Variants in CACNA1A observed in about 807,000 individuals in gnomAD.
The protein encoded by CACNA1A is calcium voltage-gated channel subunit alpha1 A.
A neutral mutation model predicts 262.4 loss-of-function variants in CACNA1A; 57 were observed. The ratio of observed to expected loss-of-function variants is 0.22; its 90% CI spans 0.18 to 0.27. The LOEUF is 0.27. Ranked by LOEUF, CACNA1A falls within the 10% of genes least tolerant of loss-of-function variation. CACNA1A has a pLI of 1.00. For synonymous variants in CACNA1A, 1,431 were observed against 1,419.3 expected, an observed-to-expected ratio of 1.01 and a Z score of -0.18; for missense variants, 2,526 against 3,562.8, an observed-to-expected ratio of 0.71 and a Z score of 7.41.
intron 6 of CACNA1A, among the ~76,000 whole-genome samples, chr19:13,350,140 T>A (rs2058880110): frequency 6.6e-6 from 1 of 152,110 alleles, no homozygotes. Context: ...CCAAAGCTCT[T>A]AGGGGGTAGG....
At chr19:13,397,197 C>G (rs558757934) in intron 3 of CACNA1A, among the ~76,000 whole-genome samples, 2 of 152,214 alleles carry the variant, frequency 1.3e-5, no homozygotes, top group East Asian at 3.9e-4. Context: ...TTTCTGAGGT[C>G]AAAGTCTGGA....
rs570225171 is a variant in CACNA1A at position 13,303,174 on chromosome 19, C to T, written c.2172+372G>A. ...TGGTGGCAGCCCTTTTTCCTTGGCC[C>T]CAGCTCTGACTGGGTCCCCATAACA... is the stretch of plus-strand genomic sequence containing the variant. On this transcript the variant is annotated intron_variant, in intron 17 of 46. Transcript: ENST00000360228. 8.5e-5 allele frequency among the ~76,000 whole-genome samples: 13 copies of T among 152,212 alleles called. No individual in the cohort carries two copies. In the South Asian group the frequency reaches 2.5e-3, roughly 29 times the overall value.
chr19:13,259,398 C>G (rs952190398), intron 27 of CACNA1A, 166 bp downstream of exon 27: 4 of 235,268 alleles, frequency 1.7e-5, no homozygotes, highest in Admixed American at 1.3e-4. Flanking sequence ...TCTCAAACTC[C>G]TGGCCTCAAG....
chr19:13,255,703 C>T (rs1399322559), intron 28 of CACNA1A, among the ~76,000 whole-genome samples: 9 of 119,286 alleles, frequency 7.5e-5, no homozygotes, highest in African/African-American at 2.9e-4. Flanking sequence ...CTCCCTCCTT[C>T]CTTCCCTCCC....
chr19:13,228,339 T>G (rs1600123158), intron 36 of CACNA1A, among the ~76,000 whole-genome samples: 20 of 136,052 alleles, frequency 1.5e-4, no homozygotes, highest in Admixed American at 3.0e-4. Context: ...AGGTGAGGGG[T>G]GGAGGGGGAG....
chr19:13,382,794 T>A (rs942117716), intron 3 of CACNA1A, among the ~76,000 whole-genome samples: 1 of 152,138 alleles, frequency 6.6e-6, no homozygotes, highest in South Asian at 2.1e-4. Context: ...CCGGTTTATA[T>A]ATAGCTGCCA....
chr19:13,206,818 T>TCCTTCTGG lies in CACNA1A; in HGVS notation c.*487_*494dup, dbSNP rs1434546194. The TCCTTCTGG allele has an allele frequency of 6.4e-6, 1 of 155,150 alleles. No individual in the cohort carries two copies. Among genetic ancestry groups the TCCTTCTGG allele is most frequent in the East Asian group, 1.9e-4 (1 of 5,206 alleles). The allele number at this position is 155,150 out of a possible 1,614,324, so 9.6% of individuals were successfully genotyped here. A position where few individuals can be genotyped will look rare whatever the true frequency, so the allele number is the denominator to read the frequency against. On this transcript the variant is annotated 3_prime_UTR_variant, in exon 47 of 47. Transcript: ENST00000360228. The stretch of plus-strand genomic sequence containing the variant: ...GGGTGTAGGGCACTGGGATTCTGGT[T>TCCTTCTGG]CCTTCTGGCTTCTTTGCCGCACTCG...
rs1379375107 is a variant in CACNA1A at position 13,207,675 on chromosome 19, C to G, written c.7159G>C (p.Gly2387Arg). 12 of 1,429,934 alleles carry G rather than the reference C, an allele frequency of 8.4e-6. No homozygotes were observed. The highest frequency in any genetic ancestry group is 1.5e-5 in the African/African-American group (1 of 66,912). 88.6% of individuals were successfully genotyped at this position (1,429,934 alleles called of 1,614,324 possible). A position where few individuals can be genotyped will look rare whatever the true frequency, so the allele number is the denominator to read the frequency against. ...SESPRACRHGGARWPASGPHV... is the reference protein window; with the variant it reads ...SESPRACRHGRARWPASGPHV... ...GGGCCAGATGCCGGCCACCGGGCCC[C>G]GCCGTGTCGACAGGCCCTGGGGGAC... The change falls in exon 47 of 47, where the codon GGG (glycine) becomes CGG (arginine). Residue 2387 changes from glycine to arginine, a missense_variant. Physicochemically the swap from Gly to Arg is moderately radical, Grantham distance 125 (BLOSUM62 -2). Coordinates refer to ENST00000360228, the MANE Select transcript of CACNA1A (RefSeq NM_001127222.2). This position sits in a 1 kb window ranked among gnomAD's most constrained non-coding sequence, Gnocchi z 5.7.
intron 3 of CACNA1A, among the ~76,000 whole-genome samples, chr19:13,413,927 G>GAAAGAAAGAAAGAAAGAAAGAAAGAAAGA (rs1568621998): frequency 1.4e-4 from 17 of 118,846 alleles, no homozygotes; most frequent in African/African-American, 4.4e-4. Context: ...AAGAAAGAAA[G>GAAAGAAAGAAAGAAAGAAAGAAAGAAAGA]AAAGAAAGAA....
chr19:13,489,243 C>T (rs901278724), intron 1 of CACNA1A, among the ~76,000 whole-genome samples: 16 of 151,500 alleles, frequency 1.1e-4, no homozygotes, highest in African/African-American at 3.6e-4. Flanking sequence ...ATCTCCTGAC[C>T]TCATGATCTG....
chr19:13,318,084 A>G (rs2058163292), intron 10 of CACNA1A, among the ~76,000 whole-genome samples: 1 of 152,214 alleles, frequency 6.6e-6, no homozygotes, highest in Non-Finnish European at 1.5e-5. Context: ...GGAGTTTGAC[A>G]CCAGCCTGGG....
intron 3 of CACNA1A, among the ~76,000 whole-genome samples, chr19:13,379,751 C>T (rs1312295084): frequency 1.4e-5 from 2 of 144,922 alleles, no homozygotes; most frequent in East Asian, 2.0e-4. Context: ...TGGTGAAAAC[C>T]CGTCTCTACT....
rs1469837020 is a variant in CACNA1A at position 13,506,248 on chromosome 19, G to A, written c.-24C>T. 2.1e-6 allele frequency: 3 copies of A among 1,427,044 alleles called. No homozygotes were observed. Among genetic ancestry groups the A allele is most frequent in the Non-Finnish European group, 1.8e-6 (2 of 1,102,516 alleles). The allele number at this position is 1,427,044 out of a possible 1,614,324, so 88.4% of individuals were successfully genotyped here. A position where few individuals can be genotyped will look rare whatever the true frequency, so the allele number is the denominator to read the frequency against. The stretch of plus-strand genomic sequence containing the variant: ...ATTCTGCAAAGAGCAAAGGGCTCCG[G>A]GTTACGCTGCGGCGAACGATGCGGA... On this transcript the variant is annotated 5_prime_UTR_variant, in exon 1 of 47. Transcript: ENST00000360228.
intron 3 of CACNA1A, among the ~76,000 whole-genome samples, chr19:13,426,893 G>A (rs1177670124): frequency 4.6e-5 from 7 of 152,168 alleles, no homozygotes; most frequent in Non-Finnish European, 1.0e-4. Flanking sequence ...GCCTCTGAAT[G>A]TCTTCCCCAT....
rs1401505752 is a variant in CACNA1A at position 13,354,021 on chromosome 19, C to G, written c.978+5585G>C. Among the ~76,000 whole-genome samples, 5 of 152,298 alleles carry G rather than the reference C, an allele frequency of 3.3e-5. No homozygotes were observed. The East Asian group carries it at 9.7e-4, about 29-fold the overall frequency. On this transcript the variant is annotated intron_variant, in intron 6 of 46. Coordinates refer to ENST00000360228, the MANE Select transcript of CACNA1A (RefSeq NM_001127222.2). ...TACCATTTGCATCTGTCTCTCCTACCAGGGTGGAGATTTTAGTCTGTCTTC... is the reference window on the plus strand; with the variant it reads ...TACCATTTGCATCTGTCTCTCCTACGAGGGTGGAGATTTTAGTCTGTCTTC...
At chr19:13,473,863 C>T (rs143394367) in intron 1 of CACNA1A, among the ~76,000 whole-genome samples, 21 of 152,008 alleles carry the variant, frequency 1.4e-4, no homozygotes, top group Middle Eastern at 3.4e-3. Flanking sequence ...ACCTTCACTT[C>T]TAACTCTGAG....
intron 6 of CACNA1A, among the ~76,000 whole-genome samples, chr19:13,346,667 T>TATATATATATATATATA: frequency 1.8e-4 from 1 of 5,630 alleles, no homozygotes; most frequent in South Asian, 0.019. Context: ...TATATATATA[T>TATATATATATATATATA]TTTTTTTTTT....
At chr19:13,493,689 T>C (rs552899213) in intron 1 of CACNA1A, among the ~76,000 whole-genome samples, 38 of 152,342 alleles carry the variant, frequency 2.5e-4, no homozygotes, top group African/African-American at 3.4e-4. Context: ...GTGCCATATA[T>C]AGACAGGAAT....
chr19:13,494,716 A>G (rs1284967482), intron 1 of CACNA1A, among the ~76,000 whole-genome samples: 2 of 152,198 alleles, frequency 1.3e-5, no homozygotes, highest in African/African-American at 2.4e-5. Context: ...ATCATGGCAG[A>G]AGGCAAAGGG....
Sources: allele counts gnomAD v4.1 joint callset (sites outside exome capture counted in the v4.1 genomes callset), GRCh38; gene constraint gnomAD v4.1.1; non-coding constraint Gnocchi (gnomAD v3.1); transcripts MANE v1.5; gene names NCBI Gene and HGNC (gene_info 2026-07-23, HGNC 2026-07-21).